ENOX1: variants seen among roughly 807,000 people sequenced by gnomAD.
ENOX1 encodes ecto-NOX disulfide-thiol exchanger 1, also known as candidate growth-related and time keeping constitutive hydroquinone (NADH) oxidase.
In ENOX1, 42 loss-of-function variants were observed where a neutral mutation model predicts 82.5. That is an observed-to-expected ratio of 0.51 (90% confidence interval 0.40 to 0.66). ENOX1 has a LOEUF of 0.66. ENOX1 is among the 30% of genes least tolerant of loss of function. The pLI is 0.00. For synonymous variants in ENOX1, 271 were observed against 282.2 expected (o/e 0.96, Z 0.40); for missense variants, 608 against 811.6 (o/e 0.75, Z 3.05).
intron 2 of ENOX1, among the ~76,000 whole-genome samples, chr13:43,512,925 T>C (rs1411881317): frequency 1.3e-5 from 2 of 152,116 alleles, no homozygotes; most frequent in Non-Finnish European, 2.9e-5. Flanking sequence ...TTGGGTTAGA[T>C]GCCAGAGAGA....
intron 13 of ENOX1, 132 bp from the exon 14 acceptor site, chr13:43,265,586 G>A: frequency 3.0e-6 from 2 of 671,568 alleles, no homozygotes; most frequent in East Asian, 5.5e-5. Flanking sequence ...TAAAACAGAT[G>A]GAGCACATAT....
intron 1 of ENOX1, among the ~76,000 whole-genome samples, chr13:43,740,827 C>G (rs987303321): frequency 1.3e-5 from 2 of 152,166 alleles, no homozygotes; most frequent in Non-Finnish European, 2.9e-5. Context: ...TACTTCATTT[C>G]TTTTTATCGA....
At chr13:43,650,352 C>A (rs536703877) in intron 2 of ENOX1, among the ~76,000 whole-genome samples, 1 of 152,218 alleles carries the variant, frequency 6.6e-6, no homozygotes, top group South Asian at 2.1e-4. Context: ...CATAAACAAT[C>A]CAGCAGGCCA....
chr13:43,738,579 T>C (rs2089742242), intron 1 of ENOX1, among the ~76,000 whole-genome samples: 1 of 152,224 alleles, frequency 6.6e-6, no homozygotes, highest in Non-Finnish European at 1.5e-5. Flanking sequence ...AATTCTTTAG[T>C]TGCATATCAT....
intron 3 of ENOX1, among the ~76,000 whole-genome samples, chr13:43,415,987 G>A (rs1479773762): frequency 1.4e-5 from 2 of 143,156 alleles, no homozygotes; most frequent in South Asian, 2.3e-4. Flanking sequence ...GGGCGGCCAG[G>A]CAGAGGCGCT....
At chr13:43,716,031 T>A (rs2088102976) in intron 1 of ENOX1, among the ~76,000 whole-genome samples, 1 of 152,244 alleles carries the variant, frequency 6.6e-6, no homozygotes, top group Admixed American at 6.5e-5. Context: ...AATAGTTTGA[T>A]CATCTCTGAA....
intron 15 of ENOX1, among the ~76,000 whole-genome samples, chr13:43,231,155 C>A (rs936805502): frequency 2.0e-5 from 3 of 152,202 alleles, no homozygotes; most frequent in Non-Finnish European, 4.4e-5. Context: ...TAGACACAGT[C>A]ACATCTTGCT....
At chr13:43,675,389 C>CCATG (rs2153793221) in intron 1 of ENOX1, among the ~76,000 whole-genome samples, 1 of 152,252 alleles carries the variant, frequency 6.6e-6, no homozygotes, top group African/African-American at 2.4e-5. Flanking sequence ...GTGCCATGTG[C>CCATG]CATGGTACAG....
At chr13:43,718,572 G>C (rs1306590706) in intron 1 of ENOX1, among the ~76,000 whole-genome samples, 1 of 150,952 alleles carries the variant, frequency 6.6e-6, no homozygotes, top group Non-Finnish European at 1.5e-5. Context: ...ATCATCTCGG[G>C]AGGCTGAGGC....
intron 16 of ENOX1, 77 bp from the exon 17 acceptor site, chr13:43,214,198 T>C: frequency 6.7e-7 from 1 of 1,483,334 alleles, no homozygotes. Context: ...AAGGATGAGC[T>C]TTCCCAGTGA....
At chr13:43,424,275 C>T (rs1339854463) in intron 3 of ENOX1, among the ~76,000 whole-genome samples, 2 of 152,186 alleles carry the variant, frequency 1.3e-5, no homozygotes, top group Non-Finnish European at 2.9e-5. Context: ...TTGTGCTCAG[C>T]TTTTTCATTA....
chr13:43,475,774 T>C (rs2153651554), intron 3 of ENOX1, among the ~76,000 whole-genome samples: 1 of 48,430 alleles, frequency 2.1e-5, no homozygotes, highest in African/African-American at 9.3e-5. Context: ...GCCACAATCA[T>C]ATACAAAAAC....
At position 43,355,957 on chromosome 13, in the gene ENOX1, G is replaced by A. The variant is rs200537425; in HGVS notation, c.785C>T (p.Ser262Leu). ...PPSPPAIMHY[S>L]EHEAALLAEK... Reference sequence around the variant, plus strand: ...AGCCAGCAGAGCGGCTTCGTGCTCCGAGTAGTGCATTATGGCAGGCGGGGA... The same window carrying A: ...AGCCAGCAGAGCGGCTTCGTGCTCCAAGTAGTGCATTATGGCAGGCGGGGA... The change falls in exon 8 of 17, where the codon TCG becomes TTG. Residue 262 changes from serine to leucine, a missense_variant. Physicochemically the swap from Ser to Leu is moderately radical, Grantham distance 145 (BLOSUM62 -2). Coordinates refer to ENST00000690772, the MANE Select transcript of ENOX1 (RefSeq NM_001347969.2). The A allele has an allele frequency of 1.1e-5, 18 of 1,614,038 alleles. No homozygotes were observed. The highest frequency in any genetic ancestry group is 1.0e-4 in the Admixed American group (6 of 60,020).
intron 5 of ENOX1, among the ~76,000 whole-genome samples, chr13:43,377,556 C>T (rs891315772): frequency 1.3e-5 from 2 of 152,128 alleles, no homozygotes; most frequent in Admixed American, 6.5e-5. Flanking sequence ...AGTGAATTAC[C>T]CTCTGAGTAA....
At chr13:43,778,040 A>G (rs1225911578) in intron 1 of ENOX1, among the ~76,000 whole-genome samples, 2 of 152,054 alleles carry the variant, frequency 1.3e-5, no homozygotes, top group East Asian at 1.9e-4. Context: ...GACCCACTCC[A>G]CCACTTCTTA....
rs11147917 is a variant in ENOX1, at chr13:43,593,652, C to A, written c.-219+73827G>T. On this transcript the variant is annotated intron_variant, in intron 2 of 16. Coordinates refer to ENST00000690772, the MANE Select transcript of ENOX1 (RefSeq NM_001347969.2). Reference sequence around the variant, plus strand: ...GCAATTCTATTCCCCCACCCCCACCCTGCCACCCAATCTCTGTACACACAC... The same window carrying A: ...GCAATTCTATTCCCCCACCCCCACCATGCCACCCAATCTCTGTACACACAC... 1.2e-4 allele frequency among the ~76,000 whole-genome samples: 14 copies of A among 118,168 alleles called. 1 individual carries two copies. Among genetic ancestry groups the A allele is most frequent in the Middle Eastern group, 4.3e-3 (1 of 232 alleles). 77.5% of individuals were successfully genotyped at this position (118,168 alleles called of 152,430 possible).
At chr13:43,332,956 C>A (rs955853553) in intron 9 of ENOX1, among the ~76,000 whole-genome samples, 2 of 152,132 alleles carry the variant, frequency 1.3e-5, no homozygotes, top group African/African-American at 2.4e-5. Context: ...CAGATCCTAG[C>A]ACATCCATCC....
Position 43,470,377 on chromosome 13 carries a change from C to CAT in ENOX1, c.-75+13630_-75+13631dup, listed in dbSNP as rs1555290143. Among the ~76,000 whole-genome samples, 10 of 27,036 alleles carry CAT rather than the reference C, an allele frequency of 3.7e-4. 2 individuals carry two copies. Among genetic ancestry groups the CAT allele is most frequent in the African/African-American group, 1.3e-3 (10 of 7,858 alleles). 17.7% of individuals were successfully genotyped at this position (27,036 alleles called of 152,430 possible). ...ATGTATATATATACGTATATATATA[C>CAT]ATATATATACGTATATATATGTGTA... On this transcript the variant is annotated intron_variant, in intron 3 of 16. Coordinates refer to ENST00000690772, the MANE Select transcript of ENOX1 (RefSeq NM_001347969.2).
chr13:43,782,854 C>G (rs576586642), intron 1 of ENOX1, among the ~76,000 whole-genome samples: 2 of 152,258 alleles, frequency 1.3e-5, no homozygotes, highest in African/African-American at 4.8e-5. Flanking sequence ...AAACAATCTG[C>G]ACTATCACCT....
Sources: gnomAD v4.1 joint callset for allele counts (sites outside exome capture counted in the v4.1 genomes callset) on GRCh38, gnomAD v4.1.1 for gene constraint, MANE v1.5 for transcripts, NCBI Gene and HGNC (gene_info 2026-07-23, HGNC 2026-07-21) for gene names.